NT5C3A: variants seen among roughly 807,000 people sequenced by gnomAD.
The protein encoded by NT5C3A is cytosolic 5'-nucleotidase 3A.
NT5C3A carries 23 observed loss-of-function variants against 40.0 expected under a neutral mutation model. That is an observed-to-expected ratio of 0.58 (90% CI 0.41 to 0.81). The LOEUF (loss-of-function observed/expected upper bound fraction) is 0.81. NT5C3A is among the 40% of genes least tolerant of loss of function. The pLI, the probability that NT5C3A is intolerant of heterozygous loss-of-function variation, is 0.00. For synonymous variants in NT5C3A, 130 were observed against 141.4 expected, an observed-to-expected ratio of 0.92 and a Z score of 0.57; for missense variants, 328 against 403.0, an observed-to-expected ratio of 0.81 and a Z score of 1.59.
At position 33,033,423 on chromosome 7, in the gene NT5C3A, T is replaced by C. The variant is rs549427662; in HGVS notation, c.139-6508A>G. 3.3e-5 allele frequency among the ~76,000 whole-genome samples: 5 copies of C among 152,328 alleles called. No individual in the cohort carries two copies. In the South Asian group the frequency reaches 1.0e-3, roughly 32 times the overall value. On this transcript the variant is annotated intron_variant, in intron 1 of 8. Coordinates refer to ENST00000610140, the MANE Select transcript of NT5C3A (RefSeq NM_001002010.5). The stretch of plus-strand genomic sequence containing the variant: ...TTGGTCTGTTTCTACATTAAGATAG[T>C]GTAGGCCAAATTCTTTCATTCCTTC...
chr7:33,045,760 AT>A (rs34813051), intron 1 of NT5C3A: 52,805 of 147,618 alleles, frequency 0.36, 9,923 homozygotes, highest in Admixed American at 0.5. Context: ...CCCGGCCCTC[AT>A]TTTTTTTTTT....
intron 1 of NT5C3A, among the ~76,000 whole-genome samples, chr7:33,034,701 T>C (rs966529692): frequency 6.6e-6 from 1 of 152,140 alleles, no homozygotes; most frequent in African/African-American, 2.4e-5. Context: ...TCACCTTTGA[T>C]CCTACACTGG....
intron 1 of NT5C3A, among the ~76,000 whole-genome samples, chr7:33,043,929 A>G (rs1252747759): frequency 6.6e-6 from 1 of 152,212 alleles, no homozygotes; most frequent in Non-Finnish European, 1.5e-5. Flanking sequence ...GAGAAAAATA[A>G]TACTTCCTCC....
chr7:33,021,174 T>C (rs1785605294), intron 5 of NT5C3A, 98 bp downstream of exon 5: 1 of 1,502,062 alleles, frequency 6.7e-7, no homozygotes, highest in Non-Finnish European at 9.1e-7. Flanking sequence ...TATTAATCTG[T>C]TTGTTTGCAA....
At chr7:33,061,337 ATAAAT>A (rs1250356668) in intron 1 of NT5C3A, among the ~76,000 whole-genome samples, 1 of 152,268 alleles carries the variant, frequency 6.6e-6, no homozygotes, top group African/African-American at 2.4e-5. Context: ...CCCTTTAAGA[ATAAAT>A]TAATTCAAAA....
chr7:33,052,313 G>A (rs986415629), intron 1 of NT5C3A, among the ~76,000 whole-genome samples: 3 of 151,796 alleles, frequency 2.0e-5, no homozygotes, highest in Admixed American at 1.3e-4. Flanking sequence ...GTGAAACCTC[G>A]TCTCTACTAA....
At position 33,022,082 on chromosome 7, in the gene NT5C3A, T is replaced by G. The variant is rs144452782; in HGVS notation, c.325A>C (p.Lys109Gln). 1.2e-3 allele frequency: 1,796 copies of G among 1,528,350 alleles called. 1 individual carries two copies. Among genetic ancestry groups the G allele is most frequent in the Admixed American group, 1.8e-3 (109 of 59,734 alleles). The allele number at this position is 1,528,350 out of a possible 1,614,324, so 94.7% of individuals were successfully genotyped here. The change falls in exon 4 of 9, where the codon AAG becomes CAG. Residue 109 changes from lysine to glutamine, a missense_variant. Physicochemically the swap from Lys to Gln is moderately conservative, Grantham distance 53. Transcript: ENST00000610140. The stretch of plus-strand genomic sequence containing the variant: ...TTTCTACATTCATCTGTAACCAGCT[T>G]ACAGTTGTCAATGATATCTAAAGAT... ...PTCHNIIDNC[K>Q]LVTDECRKKL...
chr7:33,055,522 A>C (rs921719762), intron 1 of NT5C3A, among the ~76,000 whole-genome samples: 6 of 152,100 alleles, frequency 3.9e-5, no homozygotes, highest in African/African-American at 1.2e-4. Flanking sequence ...GTTCTCTCCA[A>C]TTATCTGTAA....
chr7:33,044,600 C>T (rs1451957440), intron 1 of NT5C3A, among the ~76,000 whole-genome samples: 3 of 152,198 alleles, frequency 2.0e-5, no homozygotes, highest in Non-Finnish European at 4.4e-5. Flanking sequence ...TCAAAGAGCA[C>T]AGCACTTGTA....
intron 1 of NT5C3A, among the ~76,000 whole-genome samples, chr7:33,045,202 G>A (rs1048979303): frequency 2.6e-5 from 4 of 152,124 alleles, no homozygotes; most frequent in African/African-American, 7.2e-5. Context: ...TGCAAAACTT[G>A]TTCTTGCTAA....
At chr7:33,020,817 C>A (rs1785585097) in intron 5 of NT5C3A, among the ~76,000 whole-genome samples, 1 of 146,168 alleles carries the variant, frequency 6.8e-6, no homozygotes, top group Admixed American at 6.9e-5. Flanking sequence ...TTTCTCTTAA[C>A]AGCATTCTTC....
intron 1 of NT5C3A, chr7:33,029,557 G>T: frequency 1.3e-6 from 1 of 757,464 alleles, no homozygotes; most frequent in Non-Finnish European, 2.0e-6. Context: ...AGCAACACAG[G>T]ATATATATCA....
At chr7:33,017,699 GC>G (rs1785413661) in intron 6 of NT5C3A, 98 bp from the exon 7 acceptor site, 3 of 930,272 alleles carry the variant, frequency 3.2e-6, no homozygotes, top group Non-Finnish European at 3.5e-6. Flanking sequence ...TAATTCTATG[GC>G]TCACTCATAT....
At chr7:33,051,101 A>ATC (rs1183025154) in intron 1 of NT5C3A, among the ~76,000 whole-genome samples, 1 of 152,214 alleles carries the variant, frequency 6.6e-6, no homozygotes, top group Non-Finnish European at 1.5e-5. Flanking sequence ...TTCTTTATAT[A>ATC]TCTCTCTCTT....
intron 2 of NT5C3A, 27 bp from the exon 3 acceptor site, chr7:33,024,135 T>C (rs942304383): frequency 1.5e-6 from 2 of 1,365,038 alleles, no homozygotes; most frequent in South Asian, 1.2e-5. Context: ...AAATGCATTA[T>C]TGTAAACATA....
In NT5C3A at chr7:33,014,674, C is replaced by G. The variant is rs572118018; in HGVS notation, c.*56G>C. On this transcript the variant is annotated 3_prime_UTR_variant, in exon 9 of 9. Transcript: ENST00000610140. ...TAAATAAGTCTCTCAGCAAGATGAA[C>G]GGATGAACAGTTCAATTGCACCCAC... The G allele has an allele frequency of 6.2e-6, 10 of 1,602,204 alleles. No individual in the cohort carries two copies. The East Asian group carries it at 2.2e-4, about 36-fold the overall frequency.
chr7:33,028,994 GA>G (rs1276293305), intron 1 of NT5C3A, among the ~76,000 whole-genome samples: 29 of 146,046 alleles, frequency 2.0e-4, no homozygotes, highest in Non-Finnish European at 3.8e-4. Flanking sequence ...GGCAGAGCTT[GA>G]AAAAAAAAAG....
intron 1 of NT5C3A, among the ~76,000 whole-genome samples, chr7:33,031,017 T>A (rs963763013): frequency 1.3e-5 from 2 of 149,870 alleles, no homozygotes. Context: ...GAGAATGGCA[T>A]GAACCCCGGG....
chr7:33,043,703 A>C (rs1218560902), intron 1 of NT5C3A, among the ~76,000 whole-genome samples: 2 of 152,022 alleles, frequency 1.3e-5, no homozygotes, highest in East Asian at 3.9e-4. Context: ...GAAGAGAGGG[A>C]ATATGGATGT....
Sources: gnomAD v4.1 joint callset for allele counts (sites outside exome capture counted in the v4.1 genomes callset) on GRCh38, gnomAD v4.1.1 for gene constraint, MANE v1.5 for transcripts, NCBI Gene and HGNC (gene_info 2026-07-23, HGNC 2026-07-21) for gene names.